Variants in TPPP observed in about 807,000 individuals in gnomAD.
TPPP encodes tubulin polymerization promoting protein.
TPPP carries 6 observed loss-of-function variants against 15.5 expected under a neutral mutation model. The ratio of observed to expected loss-of-function variants is 0.39; its 90% CI spans 0.21 to 0.77. TPPP has a LOEUF of 0.77. Among genes scored for constraint, TPPP ranks in the 30% least tolerant of loss-of-function variants. TPPP has a pLI of 0.42. For synonymous variants in TPPP, 146 were observed against 133.9 expected (o/e 1.09, Z -0.63); for missense variants, 269 against 307.2 (o/e 0.88, Z 0.93).
At chr5:696,955 C>A (rs532902907), upstream of TPPP, among the ~76,000 whole-genome samples, 1 of 148,490 alleles carries the variant, frequency 6.7e-6, no homozygotes, top group South Asian at 2.2e-4. Context: ...TGTATGTCCA[C>A]GTGCCTGTGT....
intron 1 of TPPP, among the ~76,000 whole-genome samples, chr5:679,519 G>GA (rs1185416885): frequency 2.6e-5 from 4 of 151,954 alleles, no homozygotes; most frequent in Non-Finnish European, 5.9e-5. Flanking sequence ...TTCTTTGTCT[G>GA]AAACAGGAGC....
chr5:668,157 A>G lies in TPPP; in HGVS notation c.312-2034T>C, dbSNP rs142173567. ...TCCGCGTGGGCCCCGTCAGGGAAGT[A>G]CCGACAAGCACACGGAGAGGGGTCC... On this transcript the variant is annotated intron_variant, in intron 2 of 3. Coordinates refer to ENST00000360578, the MANE Select transcript of TPPP (RefSeq NM_007030.3). Among the ~76,000 whole-genome samples the G allele has an allele frequency of 2.7e-4, 21 of 77,396 alleles. 1 individual carries two copies. The highest frequency in any genetic ancestry group is 3.3e-4 in the African/African-American group (6 of 18,414). 50.8% of individuals were successfully genotyped at this position (77,396 alleles called of 152,430 possible). A position where few individuals can be genotyped will look rare whatever the true frequency, so the allele number is the denominator to read the frequency against.
chr5:671,133 TC>T (rs1179196101), intron 2 of TPPP, among the ~76,000 whole-genome samples: 3 of 151,096 alleles, frequency 2.0e-5, no homozygotes, highest in African/African-American at 7.3e-5. Flanking sequence ...TACCGAAGGC[TC>T]CCCCCTGCCT....
intron 1 of TPPP, among the ~76,000 whole-genome samples, chr5:682,858 A>G (rs916140382): frequency 6.6e-6 from 1 of 152,228 alleles, no homozygotes; most frequent in Non-Finnish European, 1.5e-5. Context: ...CTGTGCTCAC[A>G]TCATCAGCAG....
intron 1 of TPPP, among the ~76,000 whole-genome samples, chr5:684,380 C>T (rs530631026): frequency 6.6e-6 from 1 of 152,284 alleles, no homozygotes; most frequent in Non-Finnish European, 1.5e-5. Context: ...CCTCCTGGGC[C>T]CACGCCGTGT....
rs1018257634 is a variant in TPPP, at chr5:660,271, T to C, written c.*4831A>G. 11 of 151,888 alleles carry C rather than the reference T, an allele frequency of 7.2e-5. No individual in the cohort carries two copies. The highest frequency in any genetic ancestry group is 2.6e-4 in the Admixed American group (4 of 15,236). 9.4% of individuals were successfully genotyped at this position (151,888 alleles called of 1,614,324 possible). A position where few individuals can be genotyped will look rare whatever the true frequency, so the allele number is the denominator to read the frequency against. ...TTGAAAAAAACTTAGTACAAACTAGTAGTTACACGATCCCTTTCAAGTTTC... is the reference window on the plus strand; with the variant it reads ...TTGAAAAAAACTTAGTACAAACTAGCAGTTACACGATCCCTTTCAAGTTTC... On this transcript the variant is annotated 3_prime_UTR_variant, in exon 4 of 4. Transcript: ENST00000360578.
chr5:681,187 C>T (rs411878), intron 1 of TPPP, among the ~76,000 whole-genome samples: 72,458 of 152,094 alleles, frequency 0.48, 18,111 homozygotes, highest in South Asian at 0.57. Context: ...TTCCCAGTTT[C>T]TGGGCACAGC....
intron 1 of TPPP, chr5:692,467 G>GC: frequency 3.7e-6 from 3 of 816,692 alleles, no homozygotes; most frequent in Non-Finnish European, 4.3e-6. Context: ...TATCAAAACA[G>GC]CAGCCCCCCA....
Position 675,373 on chromosome 5 carries a change from G to A in TPPP, c.311+2377C>T, listed in dbSNP as rs114439354. 8.1e-3 allele frequency among the ~76,000 whole-genome samples: 912 copies of A among 112,460 alleles called. 51 individuals carry two copies. The highest frequency in any genetic ancestry group is 0.031 in the African/African-American group (853 of 27,208). The allele number at this position is 112,460 out of a possible 152,430, so 73.8% of individuals were successfully genotyped here. A position where few individuals can be genotyped will look rare whatever the true frequency, so the allele number is the denominator to read the frequency against. On this transcript the variant is annotated intron_variant, in intron 2 of 3. Coordinates refer to ENST00000360578, the MANE Select transcript of TPPP (RefSeq NM_007030.3). ...CAGTGTGGGGGTGTGCAGTGTGGCC[G>A]GGGGTGCAGCGCAGAGGGTGCAGTG... is the stretch of plus-strand genomic sequence containing the variant.
At chr5:683,150 G>A (rs548926650) in intron 1 of TPPP, among the ~76,000 whole-genome samples, 63 of 152,154 alleles carry the variant, frequency 4.1e-4, no homozygotes, top group Non-Finnish European at 2.9e-4. Flanking sequence ...GAGCTCGCTC[G>A]CAGGCAAGTG....
chr5:680,881 C>T (rs1740602680), intron 1 of TPPP, among the ~76,000 whole-genome samples: 1 of 152,192 alleles, frequency 6.6e-6, no homozygotes, highest in South Asian at 2.1e-4. Context: ...CACGACGTGC[C>T]GCTGTGGGAA....
In TPPP at chr5:683,354, T is replaced by G. The variant is rs112407934; in HGVS notation, c.-4-5290A>C. Among the ~76,000 whole-genome samples, 226 of 151,238 alleles carry G rather than the reference T, an allele frequency of 1.5e-3. 1 individual carries two copies. Among genetic ancestry groups the G allele is most frequent in the African/African-American group, 4.6e-3 (189 of 40,970 alleles). ...CCGAGGGCAAGCATTCCTTGGGAAG[T>G]GACCAGGCTGGGAGCATCAGGCACG... On this transcript the variant is annotated intron_variant, in intron 1 of 3. Coordinates refer to ENST00000360578, the MANE Select transcript of TPPP (RefSeq NM_007030.3).
chr5:661,670 C>T lies in TPPP; in HGVS notation c.*3432G>A, dbSNP rs1384024779. ...GGTCTGTTATGTGCAGTGGGGCTGC[C>T]GTCCAAACAATGTTCTGTGTTCGGA... On this transcript the variant is annotated 3_prime_UTR_variant, in exon 4 of 4. Transcript: ENST00000360578. 1 of 152,392 alleles carries T rather than the reference C, an allele frequency of 6.6e-6. No homozygotes were observed. Among genetic ancestry groups the T allele is most frequent in the Non-Finnish European group, 1.5e-5 (1 of 68,054 alleles). The allele number at this position is 152,392 out of a possible 1,614,324, so 9.4% of individuals were successfully genotyped here. A position where few individuals can be genotyped will look rare whatever the true frequency, so the allele number is the denominator to read the frequency against.
intron 2 of TPPP, among the ~76,000 whole-genome samples, chr5:666,651 C>A (rs1029423833): frequency 6.6e-6 from 1 of 151,454 alleles, no homozygotes; most frequent in Admixed American, 6.6e-5. Flanking sequence ...CCGCTGTGCC[C>A]TTGCACTGCT....
chr5:676,828 GCA>G (rs1740453352), intron 2 of TPPP, among the ~76,000 whole-genome samples: 1 of 99,980 alleles, frequency 1.0e-5, no homozygotes, highest in Non-Finnish European at 1.7e-5. Flanking sequence ...GCACACATGC[GCA>G]CACGTGCACA....
chr5:665,215 A>C lies in TPPP; in HGVS notation c.547T>G (p.Ser183Ala), dbSNP rs761496826. 6.2e-7 allele frequency: 1 copy of C among 1,613,824 alleles called. No homozygotes were observed. The highest frequency in any genetic ancestry group is 8.5e-7 in the Non-Finnish European group (1 of 1,179,954). The change falls in exon 4 of 4, where the codon TCT (serine) becomes GCT (alanine). Residue 183 changes from serine (S) to alanine (A), a missense_variant. Physicochemically the swap from Ser to Ala is moderately conservative, Grantham distance 99 (BLOSUM62 1). Coordinates refer to ENST00000360578, the MANE Select transcript of TPPP (RefSeq NM_007030.3). The part of the protein sequence containing the change: ...TGSHKERFDP[S>A]GKGKGKAGRV... ...CCAGCCTTGCCCTTGCCCTTGCCAG[A>C]GGGGTCGAAGCGCTCCTTGTGGGAG...
chr5:697,461 G>T (rs1404049986), upstream of TPPP, among the ~76,000 whole-genome samples: 1 of 152,156 alleles, frequency 6.6e-6, no homozygotes. Context: ...GCAGAGACAC[G>T]GAGGACCAGA....
At chr5:669,079 G>T (rs1740083953) in intron 2 of TPPP, among the ~76,000 whole-genome samples, 1 of 152,254 alleles carries the variant, frequency 6.6e-6, no homozygotes, top group African/African-American at 2.4e-5. Context: ...AAGTGCTCGG[G>T]GTCCCACAGC....
At chr5:666,184 G>A (rs1411259984) in intron 2 of TPPP, 61 bp from the exon 3 acceptor site, 18 of 1,577,138 alleles carry the variant, frequency 1.1e-5, no homozygotes, top group South Asian at 3.4e-5. Flanking sequence ...CCCTCCCCAC[G>A]CGTGGGTCTG....
Sources: allele counts gnomAD v4.1 joint callset (sites outside exome capture counted in the v4.1 genomes callset), GRCh38; gene constraint gnomAD v4.1.1; transcripts MANE v1.5; gene names NCBI Gene and HGNC (gene_info 2026-07-23, HGNC 2026-07-21).